The following COPG2 variants were observed in gnomAD, a reference collection of about 807,000 sequenced individuals.
COPG2 encodes coat protein complex I subunit gamma 2.
COPG2 carries 37 observed loss-of-function variants against 46.3 expected under a neutral mutation model. The ratio of observed to expected loss-of-function variants is 0.80; its 90% CI spans 0.61 to 1.05. COPG2 has a LOEUF of 1.05. Ranked by LOEUF, COPG2 falls within the 50% of genes least tolerant of loss-of-function variation. COPG2 has a pLI of 0.00. For synonymous variants in COPG2, 159 were observed against 129.7 expected (o/e 1.23, Z -1.53); for missense variants, 427 against 387.8 (o/e 1.10, Z -0.85).
At chr7:130,596,405 C>T (rs782335426) in intron 9 of COPG2, among the ~76,000 whole-genome samples, 10 of 152,158 alleles carry the variant, frequency 6.6e-5, no homozygotes, top group Non-Finnish European at 1.0e-4. Context: ...TTCAAGGTGG[C>T]TATTATTTGG....
intron 20 of COPG2, among the ~76,000 whole-genome samples, chr7:130,528,677 G>A (rs1404285741): frequency 6.6e-6 from 1 of 151,370 alleles, no homozygotes; most frequent in African/African-American, 2.4e-5. Flanking sequence ...GACATCAGGG[G>A]ATGAGTTTGC....
chr7:130,535,914 G>A (rs1799875582), intron 20 of COPG2, among the ~76,000 whole-genome samples: 1 of 152,036 alleles, frequency 6.6e-6, no homozygotes, highest in African/African-American at 2.4e-5. Flanking sequence ...TAAGGTAAAG[G>A]GCTGGTTTCT....
At chr7:130,630,066 G>A (rs925162238) in intron 5 of COPG2, among the ~76,000 whole-genome samples, 5 of 151,622 alleles carry the variant, frequency 3.3e-5, no homozygotes, top group African/African-American at 4.8e-5. Context: ...ACAGACACGC[G>A]CCACCATACC....
intron 5 of COPG2, among the ~76,000 whole-genome samples, chr7:130,631,757 C>T (rs1396404576): frequency 6.6e-6 from 1 of 151,840 alleles, no homozygotes; most frequent in African/African-American, 2.4e-5. Context: ...TTTCTTTAAG[C>T]AGTCAATTAA....
At chr7:130,526,329 AGAAGAGATGACTGAGCCCGAT>A (rs1219645378) in intron 20 of COPG2, among the ~76,000 whole-genome samples, 2 of 152,122 alleles carry the variant, frequency 1.3e-5, no homozygotes, top group Non-Finnish European at 2.9e-5. Flanking sequence ...ATCCCTATGG[AGAAGAGATGACTGAGCCCGAT>A]GAAGCAATAG....
chr7:130,642,475 A>C (rs1393734869), intron 5 of COPG2, among the ~76,000 whole-genome samples: 1 of 152,128 alleles, frequency 6.6e-6, no homozygotes, highest in African/African-American at 2.4e-5. Flanking sequence ...CTGTTCTTGG[A>C]GTTTATACGA....
At chr7:130,590,270 T>C (rs1794369304) in intron 9 of COPG2, among the ~76,000 whole-genome samples, 1 of 151,530 alleles carries the variant, frequency 6.6e-6, no homozygotes, top group East Asian at 1.9e-4. Flanking sequence ...ACGGTCTCCC[T>C]CTCCCTCTCT....
chr7:130,570,332 A>G (rs539375929), intron 9 of COPG2, among the ~76,000 whole-genome samples: 1 of 152,308 alleles, frequency 6.6e-6, no homozygotes, highest in Non-Finnish European at 1.5e-5. Context: ...AAGCTCCTAG[A>G]TCTGATAAAT....
At position 130,640,318 on chromosome 7, in the gene COPG2, T is replaced by C. The variant is rs551434211; in HGVS notation, c.323+12551A>G. ...GATGAAAATTAACCATGAAACTCAC[T>C]GTTGCTATATTGGTCATTCATTAAG... On this transcript the variant is annotated intron_variant, in intron 5 of 23. Transcript: ENST00000425248. 2.6e-5 allele frequency among the ~76,000 whole-genome samples: 4 copies of C among 152,076 alleles called. No homozygotes were observed. In the East Asian group the frequency reaches 7.7e-4, roughly 29 times the overall value.
chr7:130,591,176 G>T (rs1554448806), intron 9 of COPG2, among the ~76,000 whole-genome samples: 3 of 134,916 alleles, frequency 2.2e-5, no homozygotes, highest in South Asian at 2.5e-4. Context: ...CAGCCGCCCC[G>T]TCCGGGAGGT....
chr7:130,538,596 G>C (rs1799907378), intron 20 of COPG2, among the ~76,000 whole-genome samples: 1 of 151,964 alleles, frequency 6.6e-6, no homozygotes, highest in Non-Finnish European at 1.5e-5. Context: ...AAGTCACTCA[G>C]GGTAAATGGA....
At chr7:130,542,914 G>A (rs1793363131) in intron 20 of COPG2, among the ~76,000 whole-genome samples, 1 of 152,182 alleles carries the variant, frequency 6.6e-6, no homozygotes, top group Admixed American at 6.5e-5. Flanking sequence ...CAAGTCAGTG[G>A]TATGTTCGGT....
At chr7:130,563,027 C>T (rs990700611) in intron 11 of COPG2, among the ~76,000 whole-genome samples, 52 of 152,204 alleles carry the variant, frequency 3.4e-4, no homozygotes, top group Admixed American at 1.3e-3. Flanking sequence ...GGCTAATGGC[C>T]ACCATATTGG....
intron 9 of COPG2, among the ~76,000 whole-genome samples, chr7:130,569,225 T>C (rs1394610801): frequency 2.0e-5 from 3 of 151,620 alleles, no homozygotes; most frequent in Non-Finnish European, 4.4e-5. Flanking sequence ...TAAATGAAAC[T>C]GAAACAACAA....
At chr7:130,508,094 C>T in intron 21 of COPG2, 1 of 373,916 alleles carries the variant, frequency 2.7e-6, no homozygotes, top group South Asian at 5.0e-5. Context: ...GTTCTGGGCA[C>T]ACGGTACCCT....
intron 5 of COPG2, among the ~76,000 whole-genome samples, chr7:130,647,746 T>C (rs1167597898): frequency 6.6e-6 from 1 of 151,714 alleles, no homozygotes; most frequent in Non-Finnish European, 1.5e-5. Context: ...TTTTTTTTTT[T>C]TCGAGACGAA....
At chr7:130,554,821 A>G (rs1793594162) in intron 13 of COPG2, 97 bp from the exon 14 acceptor site, 2 of 397,956 alleles carry the variant, frequency 5.0e-6, no homozygotes, top group Non-Finnish European at 8.9e-6. Flanking sequence ...TTCAAATTTC[A>G]TTTCCCACCT....
chr7:130,668,380 G>T (rs531199456), intron 1 of COPG2, among the ~76,000 whole-genome samples: 1 of 149,898 alleles, frequency 6.7e-6, no homozygotes, highest in East Asian at 2.0e-4. Context: ...CGCCGCAAGA[G>T]GGGCGGGAAC....
intron 20 of COPG2, among the ~76,000 whole-genome samples, chr7:130,537,681 G>C (rs895977813): frequency 1.3e-5 from 2 of 152,254 alleles, no homozygotes; most frequent in South Asian, 2.1e-4. Flanking sequence ...AGGTGAGCTT[G>C]TTGAGAGGAT....
Sources: allele counts gnomAD v4.1 joint callset (sites outside exome capture counted in the v4.1 genomes callset), GRCh38; gene constraint gnomAD v4.1.1; transcripts MANE v1.5; gene names NCBI Gene and HGNC (gene_info 2026-07-23, HGNC 2026-07-21).